CMBL: variants seen among roughly 807,000 people sequenced by gnomAD.
CMBL encodes the protein carboxymethylenebutenolidase homolog, also known as carboxymethylenebutenolidase homolog (Pseudomonas).
Under a neutral mutation model 28.7 loss-of-function variants are expected in CMBL, and 17 were observed. The ratio of observed to expected loss-of-function variants is 0.59; its 90% CI spans 0.41 to 0.89. The LOEUF (loss-of-function observed/expected upper bound fraction) is 0.89. Ranked by LOEUF, CMBL falls within the 40% of genes least tolerant of loss-of-function variation. The pLI, the probability that CMBL is intolerant of heterozygous loss-of-function variation, is 0.00. For missense variants in CMBL, 310 were observed against 298.5 expected (o/e 1.04, Z -0.28); for synonymous variants, 106 against 101.6 (o/e 1.04, Z -0.26).
chr5:10,298,665 G>T (rs1746846934), intron 1 of CMBL, among the ~76,000 whole-genome samples: 1 of 152,202 alleles, frequency 6.6e-6, no homozygotes, highest in South Asian at 2.1e-4. Context: ...GGCCAAGGCT[G>T]GTGGATCACC....
intron 1 of CMBL, among the ~76,000 whole-genome samples, chr5:10,301,675 C>G (rs1746902326): frequency 6.6e-6 from 1 of 151,106 alleles, no homozygotes; most frequent in South Asian, 2.1e-4. Flanking sequence ...GATCTCCGCT[C>G]ACTGCAAACT....
intron 2 of CMBL, among the ~76,000 whole-genome samples, 168 bp from the exon 3 acceptor site, chr5:10,288,697 G>T (rs765639052): frequency 1.3e-5 from 2 of 152,228 alleles, no homozygotes; most frequent in Admixed American, 6.5e-5. Flanking sequence ...ACCTGGCACC[G>T]GGCCAAGCCC....
chr5:10,298,754 A>G (rs761226585), intron 1 of CMBL, among the ~76,000 whole-genome samples: 4 of 152,160 alleles, frequency 2.6e-5, no homozygotes, highest in African/African-American at 4.8e-5. Context: ...TTAGCCAGGC[A>G]TGGTGGTGAG....
At chr5:10,286,606 A>G (rs1038513366) in intron 3 of CMBL, 110 bp from the exon 4 acceptor site, 22 of 1,003,568 alleles carry the variant, frequency 2.2e-5, no homozygotes, top group Non-Finnish European at 2.8e-5. Context: ...GAAGTTGCCA[A>G]GGTTTCTTCT....
chr5:10,299,929 A>G (rs1746870271), intron 1 of CMBL, among the ~76,000 whole-genome samples: 1 of 152,232 alleles, frequency 6.6e-6, no homozygotes. Flanking sequence ...TAATATGATG[A>G]CAACACCTGG....
chr5:10,290,136 G>C (rs182253160), intron 2 of CMBL, among the ~76,000 whole-genome samples: 2 of 152,332 alleles, frequency 1.3e-5, no homozygotes, highest in East Asian at 3.9e-4. Context: ...GGACCAGGAG[G>C]AGCCTTGGAC....
chr5:10,283,149 C>T (rs1280903523), intron 4 of CMBL, among the ~76,000 whole-genome samples: 2 of 151,574 alleles, frequency 1.3e-5, no homozygotes, highest in Non-Finnish European at 2.9e-5. Context: ...TAGTCAGATC[C>T]TCCTACTGTC....
intron 1 of CMBL, among the ~76,000 whole-genome samples, chr5:10,291,254 G>T (rs1417958277): frequency 6.6e-6 from 1 of 152,202 alleles, no homozygotes; most frequent in Non-Finnish European, 1.5e-5. Flanking sequence ...GAGCCCCAAA[G>T]GTTCATGTCT....
At chr5:10,305,271 A>G (rs1234656512) in intron 1 of CMBL, among the ~76,000 whole-genome samples, 1 of 152,148 alleles carries the variant, frequency 6.6e-6, no homozygotes, top group African/African-American at 2.4e-5. Flanking sequence ...GCACAAATGC[A>G]TGATTCCCCA....
chr5:10,280,338 T>G lies in CMBL; in HGVS notation c.*115A>C. The G allele has an allele frequency of 1.3e-6, 1 of 745,966 alleles. No individual in the cohort carries two copies. The highest frequency in any genetic ancestry group is 2.1e-6 in the Non-Finnish European group (1 of 481,936). The allele number at this position is 745,966 out of a possible 1,614,324, so 46.2% of individuals were successfully genotyped here. Reference sequence around the variant, plus strand: ...TTTGTGTTTCAAATGAAATAATCAATTTTAGGATTCCTACACTTATTTTAT... The same window carrying G: ...TTTGTGTTTCAAATGAAATAATCAAGTTTAGGATTCCTACACTTATTTTAT... On this transcript the variant is annotated 3_prime_UTR_variant, in exon 6 of 6. Coordinates refer to ENST00000296658, the MANE Select transcript of CMBL (RefSeq NM_138809.4).
At chr5:10,292,577 C>G (rs1209731514) in intron 1 of CMBL, among the ~76,000 whole-genome samples, 2 of 152,138 alleles carry the variant, frequency 1.3e-5, no homozygotes, top group Non-Finnish European at 2.9e-5. Context: ...GTAATCCCAG[C>G]ACTTTGGGAG....
chr5:10,291,478 C>T (rs1051907006), intron 1 of CMBL, among the ~76,000 whole-genome samples: 11 of 151,886 alleles, frequency 7.2e-5, no homozygotes, highest in Admixed American at 1.3e-4. Context: ...CTGGCTAACA[C>T]GGTGAAACCC....
intron 4 of CMBL, 155 bp downstream of exon 4, chr5:10,286,199 A>T (rs946077061): frequency 1.4e-6 from 1 of 705,188 alleles, no homozygotes; most frequent in Admixed American, 3.3e-5. Context: ...ACAAACCTCC[A>T]CCTCTATTTT....
intron 4 of CMBL, 74 bp downstream of exon 4, chr5:10,286,280 G>A: frequency 6.9e-7 from 1 of 1,446,210 alleles, no homozygotes. Flanking sequence ...ACACTGGATG[G>A]GGAGGCTTGT....
intron 1 of CMBL, among the ~76,000 whole-genome samples, chr5:10,298,169 G>A (rs1297499842): frequency 2.0e-5 from 3 of 152,016 alleles, no homozygotes; most frequent in Non-Finnish European, 4.4e-5. Context: ...AATGGGGCAC[G>A]GCTGCAGCAC....
intron 1 of CMBL, among the ~76,000 whole-genome samples, chr5:10,306,162 G>A (rs1561068086): frequency 1.3e-5 from 2 of 152,206 alleles, no homozygotes; most frequent in Non-Finnish European, 2.9e-5. Flanking sequence ...ATAAAGTATG[G>A]TGAGGGTGTG....
rs557492720 is a variant in CMBL at position 10,288,820 on chromosome 5, G to A, written c.216-291C>T. On this transcript the variant is annotated intron_variant, in intron 2 of 5. Transcript: ENST00000296658. Reference sequence around the variant, plus strand: ...CCCATGGGATAGGCTGGCATGGGATGTGGAGGCACCTGGGGGAGTGGGCCT... The same window carrying A: ...CCCATGGGATAGGCTGGCATGGGATATGGAGGCACCTGGGGGAGTGGGCCT... Among the ~76,000 whole-genome samples, 4 of 152,358 alleles carry A rather than the reference G, an allele frequency of 2.6e-5. No homozygotes were observed. In the South Asian group the frequency reaches 8.3e-4, roughly 32 times the overall value.
rs529088229 is a variant in CMBL at position 10,289,196 on chromosome 5, G to A, written c.216-667C>T. Among the ~76,000 whole-genome samples the A allele has an allele frequency of 3.3e-5, 5 of 152,292 alleles. No individual in the cohort carries two copies. The South Asian group carries it at 1.0e-3, about 32-fold the overall frequency. ...CAGGGCTCCTCCTATAGGGGTAGAA[G>A]AACACTGAAACTGGAGTGAGAAAAT... On this transcript the variant is annotated intron_variant, in intron 2 of 5. Coordinates refer to ENST00000296658, the MANE Select transcript of CMBL (RefSeq NM_138809.4). This position sits in a 1 kb window ranked among gnomAD's most constrained non-coding sequence, Gnocchi z 4.3.
intron 1 of CMBL, among the ~76,000 whole-genome samples, chr5:10,298,486 A>T (rs1746844495): frequency 6.6e-6 from 1 of 152,248 alleles, no homozygotes; most frequent in South Asian, 2.1e-4. Context: ...TGGCAGGGGA[A>T]GATGATGGCA....
Sources: gnomAD v4.1 joint callset for allele counts (sites outside exome capture counted in the v4.1 genomes callset) on GRCh38, gnomAD v4.1.1 for gene constraint, Gnocchi (gnomAD v3.1) non-coding constraint, MANE v1.5 for transcripts, NCBI Gene and HGNC (gene_info 2026-07-23, HGNC 2026-07-21) for gene names.